The following SYK variants were observed in gnomAD, a reference collection of about 807,000 sequenced individuals.
The protein encoded by SYK is tyrosine-protein kinase SYK.
SYK carries 16 observed loss-of-function variants against 77.8 expected under a neutral mutation model. That is an observed-to-expected ratio of 0.21 (90% CI 0.14 to 0.31). The LOEUF (loss-of-function observed/expected upper bound fraction) is 0.31, where lower values mean the gene tolerates loss of function less well. Among genes scored for constraint, SYK ranks in the 10% least tolerant of loss-of-function variants. The pLI is 1.00. For missense variants in SYK, 529 were observed against 814.4 expected (o/e 0.65, Z 4.26); for synonymous variants, 312 against 308.7 (o/e 1.01, Z -0.11).
In SYK at chr9:90,843,983, C is replaced by A. The variant is rs1276343036; in HGVS notation, c.85C>A (p.Leu29Met). Residue 29 changes from leucine (L) to methionine (M), a missense_variant, in exon 2 of 14, where the codon CTG (leucine) becomes ATG (methionine). Leu to Met is a conservative substitution (Grantham distance 15). Coordinates refer to ENST00000375754, the MANE Select transcript of SYK (RefSeq NM_003177.7). ...CACCCGGGAGGAGGCAGAAGATTACCTGGTCCAGGGGGGCATGAGTGATGG... is the reference window on the plus strand; with the variant it reads ...CACCCGGGAGGAGGCAGAAGATTACATGGTCCAGGGGGGCATGAGTGATGG... The part of the protein sequence containing the change: ...NITREEAEDY[L>M]VQGGMSDGLY... The A allele has an allele frequency of 6.2e-7, 1 of 1,605,192 alleles. No homozygotes were observed. The highest frequency in any genetic ancestry group is 1.1e-5 in the South Asian group (1 of 89,910).
At chr9:90,835,448 T>G (rs1345714532) in intron 1 of SYK, among the ~76,000 whole-genome samples, 1 of 151,924 alleles carries the variant, frequency 6.6e-6, no homozygotes, top group African/African-American at 2.4e-5. Flanking sequence ...ACAAAATGAG[T>G]GAGAGGTCTT....
chr9:90,818,867 C>T (rs1041934278), intron 1 of SYK, among the ~76,000 whole-genome samples: 1 of 152,218 alleles, frequency 6.6e-6, no homozygotes, highest in African/African-American at 2.4e-5. Flanking sequence ...CTCTACCCTG[C>T]AGGAATTATG....
At chr9:90,867,247 C>T (rs750256859) in intron 7 of SYK, 48 bp downstream of exon 7, 28 of 1,588,140 alleles carry the variant, frequency 1.8e-5, no homozygotes, top group Middle Eastern at 3.3e-4. Context: ...GTAGGACCAA[C>T]GCGCACTCAG....
chr9:90,862,328 T>A lies in SYK; in HGVS notation c.701T>A (p.Phe234Tyr). The change falls in exon 4 of 14, where the codon TTC (phenylalanine) becomes TAC (tyrosine). Residue 234 changes from phenylalanine to tyrosine, a missense_variant. This residue lies in a region of SYK where 321 missense variants were observed against 433.1 expected (regional missense o/e 0.74). Transcript: ENST00000375754. The stretch of plus-strand genomic sequence containing the variant: ...CTCTCCATCCCCGAGGGAAAGAAGT[T>A]CGACACGCTCTGGCAGGTACCCAGC... ...GKLSIPEGKK[F>Y]DTLWQLVEHY... 6.2e-7 allele frequency: 1 copy of A among 1,614,006 alleles called. No individual in the cohort carries two copies. The highest frequency in any genetic ancestry group is 8.5e-7 in the Non-Finnish European group (1 of 1,179,894).
chr9:90,861,224 C>T (rs1451884935), intron 3 of SYK, among the ~76,000 whole-genome samples: 6 of 152,180 alleles, frequency 3.9e-5, no homozygotes. Context: ...CCCCATGAGT[C>T]ATAAGCCTTA....
At chr9:90,802,680 A>G (rs911053573) in intron 1 of SYK, among the ~76,000 whole-genome samples, 2 of 152,106 alleles carry the variant, frequency 1.3e-5, no homozygotes, top group African/African-American at 4.8e-5. Context: ...AAGGACTAGA[A>G]AGACAATTGG....
chr9:90,890,106 A>G (rs1221548017), intron 13 of SYK, among the ~76,000 whole-genome samples: 1 of 152,166 alleles, frequency 6.6e-6, no homozygotes, highest in Non-Finnish European at 1.5e-5. Context: ...ATGCTGATCT[A>G]TGTACTTCTG....
intron 7 of SYK, among the ~76,000 whole-genome samples, chr9:90,868,498 A>T: frequency 6.6e-6 from 1 of 152,224 alleles, no homozygotes; most frequent in East Asian, 1.9e-4. Flanking sequence ...TAATATACAA[A>T]GAGATTCTAA....
At chr9:90,810,216 G>A (rs290242) in intron 1 of SYK, among the ~76,000 whole-genome samples, 2,664 of 152,236 alleles carry the variant, frequency 0.017, 36 homozygotes, top group Middle Eastern at 0.027. Context: ...AGAGACTGAG[G>A]TCAGGATGTC....
chr9:90,839,274 A>G (rs1173972961), intron 1 of SYK, among the ~76,000 whole-genome samples: 2 of 152,194 alleles, frequency 1.3e-5, no homozygotes, highest in Non-Finnish European at 2.9e-5. Context: ...CTTGCAGTGA[A>G]CCAGTGATTC....
At position 90,836,521 on chromosome 9, in the gene SYK, T is replaced by C. The variant is rs556382218; in HGVS notation, c.-41-7337T>C. 2.3e-4 allele frequency among the ~76,000 whole-genome samples: 35 copies of C among 152,318 alleles called. No individual in the cohort carries two copies. In the South Asian group the frequency reaches 6.8e-3, roughly 30 times the overall value. On this transcript the variant is annotated intron_variant, in intron 1 of 13. Coordinates refer to ENST00000375754, the MANE Select transcript of SYK (RefSeq NM_003177.7). ...GCATAAAATTAACTGCAGTACACAC[T>C]GTACTGCTGTAATAATTTCATAGCC...
chr9:90,802,320 C>G (rs1339645933), intron 1 of SYK, among the ~76,000 whole-genome samples: 3 of 152,202 alleles, frequency 2.0e-5, no homozygotes, highest in Non-Finnish European at 4.4e-5. Context: ...CTGGAAAATG[C>G]CGCAGTGTTT....
chr9:90,891,528 G>A (rs894231986), intron 13 of SYK, among the ~76,000 whole-genome samples: 9 of 152,112 alleles, frequency 5.9e-5, no homozygotes, highest in African/African-American at 2.2e-4. Flanking sequence ...TTACCTATGT[G>A]AGCTTTTAGC....
intron 1 of SYK, among the ~76,000 whole-genome samples, chr9:90,831,624 G>A (rs912507184): frequency 8.5e-5 from 13 of 152,108 alleles, no homozygotes; most frequent in African/African-American, 2.4e-4. Context: ...CCATATCTCC[G>A]CATTCATCTA....
intron 1 of SYK, among the ~76,000 whole-genome samples, chr9:90,824,201 T>C (rs1034360243): frequency 6.6e-6 from 1 of 152,102 alleles, no homozygotes; most frequent in African/African-American, 2.4e-5. Flanking sequence ...ACAGAAGAAA[T>C]AGGTAGCCTG....
At chr9:90,891,126 G>A (rs539540070) in intron 13 of SYK, among the ~76,000 whole-genome samples, 14 of 146,814 alleles carry the variant, frequency 9.5e-5, no homozygotes, top group African/African-American at 2.5e-4. Context: ...CTCCTTGGCC[G>A]ACGCCATGTT....
chr9:90,882,616 T>C (rs558005215), intron 11 of SYK, among the ~76,000 whole-genome samples: 2 of 152,360 alleles, frequency 1.3e-5, no homozygotes, highest in Admixed American at 1.3e-4. Flanking sequence ...TGCTAGCAAG[T>C]AGTGCATGCT....
At chr9:90,890,574 G>C (rs1180383318) in intron 13 of SYK, among the ~76,000 whole-genome samples, 3 of 152,222 alleles carry the variant, frequency 2.0e-5, no homozygotes, top group Non-Finnish European at 4.4e-5. Context: ...GCTCTGCAGG[G>C]GTGCATTTCA....
chr9:90,814,864 AC>A (rs1825234005), intron 1 of SYK, among the ~76,000 whole-genome samples: 5 of 10,034 alleles, frequency 5.0e-4, no homozygotes, highest in Admixed American at 1.8e-3. Context: ...ACACACACAC[AC>A]AAAATAATGT....
Sources: gnomAD v4.1 joint callset for allele counts (sites outside exome capture counted in the v4.1 genomes callset) on GRCh38, gnomAD v4.1.1 for gene constraint, gnomAD v4.1.1 regional missense constraint, MANE v1.5 for transcripts, NCBI Gene and HGNC (gene_info 2026-07-23, HGNC 2026-07-21) for gene names.